PRKAA1: variants seen among roughly 807,000 people sequenced by gnomAD.
PRKAA1 encodes the protein protein kinase AMP-activated catalytic subunit alpha 1.
Under a neutral mutation model 56.9 loss-of-function variants are expected in PRKAA1, and 23 were observed. The ratio of observed to expected loss-of-function variants is 0.40; its 90% CI spans 0.29 to 0.57. The LOEUF (loss-of-function observed/expected upper bound fraction) is 0.57, where lower values mean the gene tolerates loss of function less well. Ranked by LOEUF, PRKAA1 falls within the 20% of genes least tolerant of loss-of-function variation. The pLI, the probability that PRKAA1 is intolerant of heterozygous loss-of-function variation, is 0.39. For synonymous variants in PRKAA1, 226 were observed against 227.0 expected (o/e 1.00, Z 0.04); for missense variants, 413 against 679.7 (o/e 0.61, Z 4.36).
In PRKAA1 at chr5:40,789,813, G is replaced by C. The variant is rs148782368; in HGVS notation, c.127+8250C>G. On this transcript the variant is annotated intron_variant, in intron 1 of 8. Coordinates refer to ENST00000397128, the MANE Select transcript of PRKAA1 (RefSeq NM_006251.6). ...CACCACAAAGAAATGATAAATATTT[G>C]AGGAGATGGATATACTACTTGGCCT... 1.9e-4 allele frequency among the ~76,000 whole-genome samples: 29 copies of C among 152,330 alleles called. No individual in the cohort carries two copies. The East Asian group carries it at 5.4e-3, about 28-fold the overall frequency.
rs1248352586 is a variant in PRKAA1 at position 40,761,536 on chromosome 5, A to G, written c.*1242T>C. 1 of 152,214 alleles carries G rather than the reference A, an allele frequency of 6.6e-6. No homozygotes were observed. The highest frequency in any genetic ancestry group is 1.5e-5 in the Non-Finnish European group (1 of 68,020). 9.4% of individuals were successfully genotyped at this position (152,214 alleles called of 1,614,324 possible). On this transcript the variant is annotated 3_prime_UTR_variant, in exon 9 of 9. Coordinates refer to ENST00000397128, the MANE Select transcript of PRKAA1 (RefSeq NM_006251.6). ...AAACATTAACAACTGCTGAATCTAAATGGTAGATATACATGTGCTTACCAA... is the reference window on the plus strand; with the variant it reads ...AAACATTAACAACTGCTGAATCTAAGTGGTAGATATACATGTGCTTACCAA...
Position 40,764,612 on chromosome 5 carries a change from C to T in PRKAA1, c.1337G>A (p.Arg446Gln), listed in dbSNP as rs370544157. ...AGTGCTTGTCACAGGATTCTTCCTT[C>T]GTACACGCAAATAATATGGGTTTAC... is the stretch of plus-strand genomic sequence containing the variant. ...KVVNPYYLRV[R>Q]RKNPVTSTYS... is the part of the protein sequence containing the mutation. Residue 446 changes from arginine to glutamine, a missense_variant, in exon 8 of 9, where the codon CGA becomes CAA. By Grantham distance (43) the Arg-to-Gln change is conservative. Around this residue, in one of 9 missense-constraint regions of PRKAA1, gnomAD observed 139 missense variants for 171.5 expected, o/e 0.81. Coordinates refer to ENST00000397128, the MANE Select transcript of PRKAA1 (RefSeq NM_006251.6). 6.2e-7 allele frequency: 1 copy of T among 1,613,960 alleles called. No individual in the cohort carries two copies. Among genetic ancestry groups the T allele is most frequent in the Non-Finnish European group, 8.5e-7 (1 of 1,179,954 alleles).
chr5:40,767,410 C>A, intron 6 of PRKAA1, 56 bp downstream of exon 6: 1 of 1,435,956 alleles, frequency 7.0e-7, no homozygotes, highest in Non-Finnish European at 9.5e-7. Flanking sequence ...TTTTTTTTCA[C>A]ATAACTTTTA....
Position 40,790,538 on chromosome 5 carries a change from T to TGTTG in PRKAA1, c.127+7524_127+7525insCAAC, listed in dbSNP as rs373477888. Among the ~76,000 whole-genome samples, 80 of 145,464 alleles carry TGTTG rather than the reference T, an allele frequency of 5.5e-4. 1 individual carries two copies. The highest frequency in any genetic ancestry group is 1.9e-3 in the East Asian group (9 of 4,708). On this transcript the variant is annotated intron_variant, in intron 1 of 8. Transcript: ENST00000397128. The stretch of plus-strand genomic sequence containing the variant: ...AGTCAACTCTTTCTTTTTTTTTTTT[T>TGTTG]TTGTTGTTGTTGTTGTTGTTGAGAT...
chr5:40,766,585 AT>A (rs1743445533), intron 6 of PRKAA1, among the ~76,000 whole-genome samples: 1 of 152,224 alleles, frequency 6.6e-6, no homozygotes, highest in African/African-American at 2.4e-5. Flanking sequence ...AATTCAATGT[AT>A]ACTACCAGGA....
At chr5:40,787,941 TAA>T (rs1744565529) in intron 1 of PRKAA1, among the ~76,000 whole-genome samples, 1 of 152,120 alleles carries the variant, frequency 6.6e-6, no homozygotes, top group Admixed American at 6.5e-5. Flanking sequence ...GCGCTGCCTA[TAA>T]AGAGACTCAC....
At chr5:40,792,558 T>TA (rs1463690264) in intron 1 of PRKAA1, among the ~76,000 whole-genome samples, 1 of 152,232 alleles carries the variant, frequency 6.6e-6, no homozygotes, top group Admixed American at 6.5e-5. Context: ...TGTAGGTTTC[T>TA]AAAATTTATA....
At position 40,762,838 on chromosome 5, in the gene PRKAA1, T is replaced by A; in HGVS notation, c.1620A>T (p.Gly540=). Residue 540 remains glycine, a synonymous_variant, in exon 9 of 9, where the codon GGA becomes GGT. Transcript: ENST00000397128. ...TCTCAAAAAATTCTATTGTGTGACT[T>A]CCAGGTCTTGGAGTTAGGTCAACAG... ...SSPVDLTPRP[G]SHTIEFFEMC... 1 of 1,614,172 alleles carries A rather than the reference T, an allele frequency of 6.2e-7. No homozygotes were observed. Among genetic ancestry groups the A allele is most frequent in the Non-Finnish European group, 8.5e-7 (1 of 1,180,014 alleles).
intron 1 of PRKAA1, among the ~76,000 whole-genome samples, chr5:40,788,272 A>C (rs2112087897): frequency 6.6e-6 from 1 of 152,350 alleles, no homozygotes; most frequent in East Asian, 1.9e-4. Flanking sequence ...CAATGTGGAA[A>C]GGACAGTCTC....
Position 40,798,049 on chromosome 5 carries a change from C to T in PRKAA1, c.127+14G>A. 2.5e-6 allele frequency: 4 copies of T among 1,607,228 alleles called. No homozygotes were observed. The highest frequency in any genetic ancestry group is 3.4e-6 in the Non-Finnish European group (4 of 1,176,056). ...CCTCAGCTGGGGCCAAGCCTAGTCC[C>T]GCGGGGTTCTCACCCTTCACTTTGC... On this transcript the variant is annotated intron_variant, in intron 1 of 8. Transcript: ENST00000397128.
intron 3 of PRKAA1, among the ~76,000 whole-genome samples, chr5:40,773,265 T>C (rs1743834077): frequency 6.6e-6 from 1 of 152,180 alleles, no homozygotes; most frequent in Non-Finnish European, 1.5e-5. Flanking sequence ...ATTTCTAGAT[T>C]TGTAGGTTCA....
chr5:40,780,684 A>G (rs59338019), intron 1 of PRKAA1, among the ~76,000 whole-genome samples: 47,689 of 151,942 alleles, frequency 0.31, 7,744 homozygotes, highest in East Asian at 0.56. Flanking sequence ...CCTAGAGTCC[A>G]AATGCCAACA....
intron 3 of PRKAA1, 41 bp downstream of exon 3, chr5:40,775,369 G>A (rs1316120444): frequency 1.4e-6 from 2 of 1,450,814 alleles, no homozygotes; most frequent in Admixed American, 1.7e-5. Flanking sequence ...GGATAAAGGG[G>A]AGTTACAAAA....
chr5:40,766,402 A>C (rs954425934), intron 6 of PRKAA1, among the ~76,000 whole-genome samples: 1 of 152,120 alleles, frequency 6.6e-6, no homozygotes, highest in Non-Finnish European at 1.5e-5. Flanking sequence ...ACAGGGGGGA[A>C]AAAAAAGAAA....
chr5:40,774,815 A>G, intron 3 of PRKAA1: 1 of 834,358 alleles, frequency 1.2e-6, no homozygotes, highest in Non-Finnish European at 1.9e-6. Flanking sequence ...TGGGTATGAG[A>G]AAAAGTATGG....
At chr5:40,783,309 T>C (rs1476490387) in intron 1 of PRKAA1, among the ~76,000 whole-genome samples, 2 of 152,134 alleles carry the variant, frequency 1.3e-5, no homozygotes, top group East Asian at 3.8e-4. Context: ...ATAGAAAATG[T>C]TCTTACAAAC....
chr5:40,795,002 T>TACACACAC (rs1268975851), intron 1 of PRKAA1, among the ~76,000 whole-genome samples: 51 of 57,648 alleles, frequency 8.8e-4, no homozygotes, highest in South Asian at 4.7e-3. Flanking sequence ...GGTGTATACA[T>TACACACAC]ATATATACAC....
At chr5:40,783,163 G>C (rs1256075661) in intron 1 of PRKAA1, among the ~76,000 whole-genome samples, 1 of 151,944 alleles carries the variant, frequency 6.6e-6, no homozygotes, top group Admixed American at 6.6e-5. Context: ...CTAAGAATTT[G>C]ATTTAAAAGT....
chr5:40,767,356 C>T (rs1002423), intron 6 of PRKAA1, 110 bp downstream of exon 6: 246,955 of 842,738 alleles, frequency 0.29, 38,122 homozygotes, highest in East Asian at 0.56. Context: ...CTATTTTTTT[C>T]ACATAAAAAC....
Sources: gnomAD v4.1 joint callset for allele counts (sites outside exome capture counted in the v4.1 genomes callset) on GRCh38, gnomAD v4.1.1 for gene constraint, gnomAD v4.1.1 regional missense constraint, MANE v1.5 for transcripts, NCBI Gene and HGNC (gene_info 2026-07-23, HGNC 2026-07-21) for gene names.